CFAP77: variants seen among roughly 807,000 people sequenced by gnomAD.
CFAP77 encodes the protein cilia and flagella associated protein 77.
In CFAP77, 25 loss-of-function variants were observed where a neutral mutation model predicts 31.1. The observed-to-expected ratio is 0.80, with a 90% CI of 0.59 to 1.12. The LOEUF is 1.12. Ranked by LOEUF, CFAP77 falls within the 50% of genes most tolerant of loss-of-function variation. The pLI is 0.00. For synonymous variants in CFAP77, 151 were observed against 159.9 expected (o/e 0.94, Z 0.42); for missense variants, 377 against 397.3 (o/e 0.95, Z 0.44).
At chr9:132,446,815 G>A (rs907380221) in intron 1 of CFAP77, among the ~76,000 whole-genome samples, 11 of 151,078 alleles carry the variant, frequency 7.3e-5, no homozygotes, top group African/African-American at 2.7e-4. Flanking sequence ...GGGAAAGCAT[G>A]CCAAATGCTT....
Position 132,437,319 on chromosome 9 carries a change from C to T in CFAP77, c.195+26853C>T, listed in dbSNP as rs554300545. 3.9e-5 allele frequency among the ~76,000 whole-genome samples: 6 copies of T among 151,948 alleles called. No individual in the cohort carries two copies. In the East Asian group the frequency reaches 1.2e-3, roughly 29 times the overall value. On this transcript the variant is annotated intron_variant, in intron 1 of 5. Coordinates refer to ENST00000393216, the MANE Select transcript of CFAP77 (RefSeq NM_001282957.2). ...AGGAGTGAGACCATGGGCTAAGGCT[C>T]GAAGCAGAAAGACATTAAGGTGCAC...
intron 1 of CFAP77, among the ~76,000 whole-genome samples, chr9:132,483,433 A>G (rs962530216): frequency 9.2e-5 from 14 of 152,110 alleles, no homozygotes; most frequent in East Asian, 3.9e-4. Flanking sequence ...CTGACCCACG[A>G]GGGGTTGTGG....
At chr9:132,450,008 G>A (rs1021828470) in intron 1 of CFAP77, among the ~76,000 whole-genome samples, 2 of 152,166 alleles carry the variant, frequency 1.3e-5, no homozygotes, top group African/African-American at 4.8e-5. Flanking sequence ...CGCCTCCCGG[G>A]TTCACGCCAT....
intron 3 of CFAP77, among the ~76,000 whole-genome samples, chr9:132,516,809 T>A (rs1009227693): frequency 3.3e-5 from 5 of 151,194 alleles, no homozygotes; most frequent in Non-Finnish European, 7.4e-5. Context: ...AGTTTCAGTT[T>A]AAAAAAAAAT....
chr9:132,506,057 G>A (rs1255092345), intron 3 of CFAP77, among the ~76,000 whole-genome samples: 1 of 152,204 alleles, frequency 6.6e-6, no homozygotes, highest in Non-Finnish European at 1.5e-5. Context: ...GAGGGCAAGG[G>A]CCCTCCCCGA....
intron 3 of CFAP77, among the ~76,000 whole-genome samples, chr9:132,510,238 A>G (rs953562344): frequency 2.0e-5 from 3 of 152,168 alleles, no homozygotes; most frequent in Non-Finnish European, 4.4e-5. Flanking sequence ...CCCAGGTTGC[A>G]TCGCACATGC....
chr9:132,410,330 C>T lies in CFAP77; in HGVS notation c.59C>T (p.Pro20Leu), dbSNP rs892379838. 6.3e-7 allele frequency: 1 copy of T among 1,598,016 alleles called. No individual in the cohort carries two copies. Among genetic ancestry groups the T allele is most frequent in the Non-Finnish European group, 8.5e-7 (1 of 1,173,570 alleles). The stretch of plus-strand genomic sequence containing the variant: ...ACGCGATGGAGGAAGCAGCAGCAGC[C>T]TGTGCGCCGCACGGTCAGCCAGGTC... ...DLTRWRKQQQ[P>L]VRRTVSQVCP... Residue 20 changes from proline to leucine, a missense_variant, in exon 1 of 6, where the codon CCT (proline) becomes CTT (leucine). Physicochemically the swap from Pro to Leu is moderately conservative, Grantham distance 98 (BLOSUM62 -3). Coordinates refer to ENST00000393216, the MANE Select transcript of CFAP77 (RefSeq NM_001282957.2).
rs1428433298 is a variant in CFAP77 at position 132,560,090 on chromosome 9, C to T, written c.733-12298C>T. The stretch of plus-strand genomic sequence containing the variant: ...TTTGGGGGTGATGAAATGTTCTAAA[C>T]TTAGGGTGTGGAGGTGGGTTGTACA... On this transcript the variant is annotated intron_variant, in intron 5 of 5. Coordinates refer to ENST00000393216, the MANE Select transcript of CFAP77 (RefSeq NM_001282957.2). Among the ~76,000 whole-genome samples, 3 of 152,154 alleles carry T rather than the reference C, an allele frequency of 2.0e-5. No individual in the cohort carries two copies. In the East Asian group the frequency reaches 5.8e-4, roughly 29 times the overall value.
chr9:132,547,577 G>A (rs1019223490), intron 5 of CFAP77, among the ~76,000 whole-genome samples: 32 of 152,194 alleles, frequency 2.1e-4, no homozygotes, highest in Admixed American at 2.0e-4. Context: ...GACTGCCACC[G>A]TTGGGCTGCT....
rs1030874358 is a variant in CFAP77 at position 132,572,682 on chromosome 9, G to T, written c.*172G>T. 3.0e-6 allele frequency: 2 copies of T among 673,656 alleles called. No homozygotes were observed. The highest frequency in any genetic ancestry group is 2.0e-5 in the South Asian group (1 of 49,528). The allele number at this position is 673,656 out of a possible 1,614,324, so 41.7% of individuals were successfully genotyped here. A position where few individuals can be genotyped will look rare whatever the true frequency, so the allele number is the denominator to read the frequency against. On this transcript the variant is annotated 3_prime_UTR_variant, in exon 6 of 6. Transcript: ENST00000393216. ...TTTTGGTAAAAGTCCCCCCTTTTAG[G>T]TTAGCCAACATTAGTCTCCACTTAG...
chr9:132,452,046 G>A (rs141780646), intron 1 of CFAP77, among the ~76,000 whole-genome samples: 2,322 of 152,144 alleles, frequency 0.015, 26 homozygotes, highest in South Asian at 0.064. Flanking sequence ...CTCATGATCT[G>A]CCTGTCTCGG....
chr9:132,469,441 A>G (rs1469200866), intron 1 of CFAP77, among the ~76,000 whole-genome samples: 1 of 152,214 alleles, frequency 6.6e-6, no homozygotes, highest in Non-Finnish European at 1.5e-5. Context: ...TAGCATTTAA[A>G]TAAATAGCTG....
chr9:132,564,584 A>G lies in CFAP77; in HGVS notation c.733-7804A>G, dbSNP rs555165171. Among the ~76,000 whole-genome samples the G allele has an allele frequency of 6.6e-6, 1 of 152,366 alleles. No homozygotes were observed. The highest frequency in any genetic ancestry group is 2.1e-4 in the South Asian group (1 of 4,826). On this transcript the variant is annotated intron_variant, in intron 5 of 5. Coordinates refer to ENST00000393216, the MANE Select transcript of CFAP77 (RefSeq NM_001282957.2). The surrounding 1 kb of genome is among the most constrained non-coding windows in gnomAD (Gnocchi z 4.6). Reference sequence around the variant, plus strand: ...ACTCAAAACTTGTGAGATGAGCTAAAAGAGAATTTAGAGGGAACACAGTTG... The same window carrying G: ...ACTCAAAACTTGTGAGATGAGCTAAGAGAGAATTTAGAGGGAACACAGTTG...
intron 3 of CFAP77, among the ~76,000 whole-genome samples, chr9:132,510,602 C>T (rs898601775): frequency 1.3e-5 from 2 of 152,152 alleles, no homozygotes; most frequent in African/African-American, 2.4e-5. Flanking sequence ...ACAGAATGAG[C>T]GCGTCATGCA....
chr9:132,530,609 T>G (rs1307863198), intron 3 of CFAP77, among the ~76,000 whole-genome samples: 1 of 152,110 alleles, frequency 6.6e-6, no homozygotes, highest in Non-Finnish European at 1.5e-5. Flanking sequence ...GGGGGTTTTT[T>G]GGTTTTGATT....
Position 132,492,936 on chromosome 9 carries a change from G to A in CFAP77, c.196-5759G>A, listed in dbSNP as rs1458698775. On this transcript the variant is annotated intron_variant, in intron 1 of 5. Coordinates refer to ENST00000393216, the MANE Select transcript of CFAP77 (RefSeq NM_001282957.2). ...GCCTTGGAGGTATCCGGGGCCAGGT[G>A]GAATACAGGGGAAGGTTGCCGAGGA... Among the ~76,000 whole-genome samples, 3 of 152,202 alleles carry A rather than the reference G, an allele frequency of 2.0e-5. No homozygotes were observed. In the East Asian group the frequency reaches 5.8e-4, roughly 29 times the overall value.
chr9:132,421,853 C>T (rs1313512454), intron 1 of CFAP77, among the ~76,000 whole-genome samples: 4 of 152,258 alleles, frequency 2.6e-5, no homozygotes, highest in Non-Finnish European at 4.4e-5. Context: ...TTGAGTGACT[C>T]ACTAGATGTC....
intron 5 of CFAP77, among the ~76,000 whole-genome samples, chr9:132,551,252 G>A (rs1852815748): frequency 6.6e-6 from 1 of 151,380 alleles, no homozygotes; most frequent in Admixed American, 6.6e-5. Flanking sequence ...CACACGTCCT[G>A]ACTCCTTCTT....
At chr9:132,466,494 C>T (rs1851152838) in intron 1 of CFAP77, among the ~76,000 whole-genome samples, 1 of 152,140 alleles carries the variant, frequency 6.6e-6, no homozygotes, top group Admixed American at 6.5e-5. Flanking sequence ...AGCCAGATGC[C>T]AGAGAACAAA....
Sources: allele counts gnomAD v4.1 joint callset (sites outside exome capture counted in the v4.1 genomes callset), GRCh38; gene constraint gnomAD v4.1.1; non-coding constraint Gnocchi (gnomAD v3.1); transcripts MANE v1.5; gene names NCBI Gene and HGNC (gene_info 2026-07-23, HGNC 2026-07-21).